The following NRDE2 variants were observed in gnomAD, a reference collection of about 807,000 sequenced individuals.
NRDE2 encodes nuclear exosome regulator NRDE2.
Under a neutral mutation model 124.2 loss-of-function variants are expected in NRDE2, and 76 were observed. The ratio of observed to expected loss-of-function variants is 0.61; its 90% CI spans 0.51 to 0.74. NRDE2 has a LOEUF of 0.74. NRDE2 is among the 30% of genes least tolerant of loss of function. The pLI is 0.00. For synonymous variants in NRDE2, 489 were observed against 528.1 expected, an observed-to-expected ratio of 0.93 and a Z score of 1.01; for missense variants, 1,314 against 1,417.3, an observed-to-expected ratio of 0.93 and a Z score of 1.17.
intron 12 of NRDE2, among the ~76,000 whole-genome samples, chr14:90,283,326 C>T (rs1025890589): frequency 2.6e-5 from 4 of 152,262 alleles, no homozygotes; most frequent in African/African-American, 4.8e-5. Context: ...TGTCTACAAC[C>T]GAACCAAACT....
Position 90,284,197 on chromosome 14 carries a change from G to C in NRDE2, c.3297+2157C>G, listed in dbSNP as rs7147225. ...TCTGGAATCAAAGACAGGCATGAGT[G>C]GGGGCCCAACAGATACGGATACTCG... On this transcript the variant is annotated intron_variant, in intron 12 of 13. Coordinates refer to ENST00000354366, the MANE Select transcript of NRDE2 (RefSeq NM_017970.4). Among the ~76,000 whole-genome samples, 191 of 152,190 alleles carry C rather than the reference G, an allele frequency of 1.3e-3. 2 individuals carry two copies. The highest frequency in any genetic ancestry group is 4.4e-3 in the African/African-American group (184 of 41,520).
chr14:90,273,728 A>C lies in NRDE2; in HGVS notation c.*4608T>G, dbSNP rs1209082813. Reference sequence around the variant, plus strand: ...CTGAGGATTATTGTTGGCAGAATTTAATTTCTTGGAGTTGTGGGCCAGCTG... The same window carrying C: ...CTGAGGATTATTGTTGGCAGAATTTCATTTCTTGGAGTTGTGGGCCAGCTG... On this transcript the variant is annotated 3_prime_UTR_variant, in exon 14 of 14. Coordinates refer to ENST00000354366, the MANE Select transcript of NRDE2 (RefSeq NM_017970.4). 6.5e-6 allele frequency: 1 copy of C among 154,608 alleles called. No individual in the cohort carries two copies. Among genetic ancestry groups the C allele is most frequent in the African/African-American group, 2.4e-5 (1 of 41,502 alleles). The allele number at this position is 154,608 out of a possible 1,614,324, so 9.6% of individuals were successfully genotyped here.
At chr14:90,324,577 G>A (rs1034032892) in intron 1 of NRDE2, among the ~76,000 whole-genome samples, 4 of 151,572 alleles carry the variant, frequency 2.6e-5, no homozygotes, top group African/African-American at 7.3e-5. Context: ...TCGGGAGGCT[G>A]AGGGAGGAGA....
At chr14:90,321,885 G>A (rs1025846682) in intron 1 of NRDE2, among the ~76,000 whole-genome samples, 36 of 152,144 alleles carry the variant, frequency 2.4e-4, no homozygotes, top group African/African-American at 8.7e-4. Context: ...AACAGAAAAG[G>A]CAGGGATGCT....
chr14:90,299,774 T>G (rs1884325764), intron 7 of NRDE2, among the ~76,000 whole-genome samples: 1 of 152,164 alleles, frequency 6.6e-6, no homozygotes, highest in Non-Finnish European at 1.5e-5. Context: ...GTCTGGCTCT[T>G]GTAAGAGTGA....
intron 8 of NRDE2, among the ~76,000 whole-genome samples, chr14:90,294,216 T>C (rs1442502845): frequency 6.6e-6 from 1 of 152,062 alleles, no homozygotes; most frequent in African/African-American, 2.4e-5. Flanking sequence ...AACACAACTG[T>C]TCCCAGGGAT....
chr14:90,281,663 C>T (rs1418344645), intron 12 of NRDE2: 2 of 152,190 alleles, frequency 1.3e-5, no homozygotes, highest in African/African-American at 2.4e-5. Context: ...CTCTAAAAAA[C>T]GAGGAAGCTG....
At position 90,271,054 on chromosome 14, in the gene NRDE2, C is replaced by G. The variant is rs1381288251; in HGVS notation, c.*7282G>C. 1 of 55,928 alleles carries G rather than the reference C, an allele frequency of 1.8e-5. No homozygotes were observed. The allele number at this position is 55,928 out of a possible 1,614,324, so 3.5% of individuals were successfully genotyped here. A position where few individuals can be genotyped will look rare whatever the true frequency, so the allele number is the denominator to read the frequency against. ...TCTTCTTTTTTAAAAATTGAAAGAT[C>G]TTAAAATTTTAAGATAAGAACTTAC... is the stretch of plus-strand genomic sequence containing the variant. On this transcript the variant is annotated 3_prime_UTR_variant, in exon 14 of 14. Coordinates refer to ENST00000354366, the MANE Select transcript of NRDE2 (RefSeq NM_017970.4).
chr14:90,309,069 C>T lies in NRDE2; in HGVS notation c.557+3325G>A, dbSNP rs527560151. On this transcript the variant is annotated intron_variant, in intron 4 of 13. Transcript: ENST00000354366. ...CATCCTGGCTAAAACGGTGAAACTCCATCTCTACTAAAAATACAAAAATAC... is the reference window on the plus strand; with the variant it reads ...CATCCTGGCTAAAACGGTGAAACTCTATCTCTACTAAAAATACAAAAATAC... 3.3e-5 allele frequency among the ~76,000 whole-genome samples: 5 copies of T among 152,076 alleles called. No individual in the cohort carries two copies. In the East Asian group the frequency reaches 9.7e-4, roughly 29 times the overall value.
chr14:90,269,340 C>T lies in NRDE2; in HGVS notation c.*8996G>A, dbSNP rs997247051. 1.4e-6 allele frequency: 2 copies of T among 1,466,466 alleles called. No homozygotes were observed. The highest frequency in any genetic ancestry group is 1.4e-5 in the African/African-American group (1 of 70,680). 90.8% of individuals were successfully genotyped at this position (1,466,466 alleles called of 1,614,324 possible). Reference sequence around the variant, plus strand: ...TCACAATGAGGTCTTTGCTGTAATTCCCCTTGAGCAGGCGATCAGTTGAGT... The same window carrying T: ...TCACAATGAGGTCTTTGCTGTAATTTCCCTTGAGCAGGCGATCAGTTGAGT... On this transcript the variant is annotated 3_prime_UTR_variant, in exon 14 of 14. Coordinates refer to ENST00000354366, the MANE Select transcript of NRDE2 (RefSeq NM_017970.4).
intron 1 of NRDE2, among the ~76,000 whole-genome samples, chr14:90,329,835 CAA>C (rs1173430522): frequency 2.1e-4 from 12 of 56,128 alleles, no homozygotes; most frequent in Non-Finnish European, 2.2e-4. Flanking sequence ...GAGACTGCCT[CAA>C]AAAAAAAAAA....
intron 3 of NRDE2, among the ~76,000 whole-genome samples, chr14:90,312,807 C>T (rs1884894523): frequency 6.6e-6 from 1 of 152,118 alleles, no homozygotes; most frequent in South Asian, 2.1e-4. Flanking sequence ...CAAAAATTAA[C>T]CTGAAGAATA....
chr14:90,278,444 G>A lies in NRDE2; in HGVS notation c.3387C>T (p.Ala1129=), dbSNP rs370954669. 1.9e-5 allele frequency: 31 copies of A among 1,614,022 alleles called. No individual in the cohort carries two copies. Among genetic ancestry groups the A allele is most frequent in the Middle Eastern group, 3.3e-4 (2 of 6,058 alleles). The change falls in exon 14 of 14, where the codon GCC becomes GCT. Residue 1129 remains alanine (A), a synonymous_variant. Coordinates refer to ENST00000354366, the MANE Select transcript of NRDE2 (RefSeq NM_017970.4). ...GCATCTCATCGGGGAAATACTCCAC[G>A]GCGTCCAGGTACAACACCTAGGGGG... is the stretch of plus-strand genomic sequence containing the variant. The part of the protein sequence containing the change: ...CPWAKVLYLD[A]VEYFPDEMQE...
In NRDE2 at chr14:90,274,833, CACACA is replaced by C. The variant is rs781472370; in HGVS notation, c.*3498_*3502del. 10,527 of 91,070 alleles carry C rather than the reference CACACA, an allele frequency of 0.12. 551 individuals are homozygous for C. The highest frequency in any genetic ancestry group is 0.23 in the Middle Eastern group (40 of 174). 5.6% of individuals were successfully genotyped at this position (91,070 alleles called of 1,614,324 possible). ...ACACACACACACACACACACACACA[CACACA>C]CCCCAATACATATGAATTGATCTGA... On this transcript the variant is annotated 3_prime_UTR_variant, in exon 14 of 14. Coordinates refer to ENST00000354366, the MANE Select transcript of NRDE2 (RefSeq NM_017970.4).
chr14:90,306,278 C>T (rs148524315), intron 4 of NRDE2, among the ~76,000 whole-genome samples: 6 of 152,340 alleles, frequency 3.9e-5, no homozygotes, highest in Non-Finnish European at 7.3e-5. Context: ...CTCTCTCCCT[C>T]ACCTCTGTGG....
chr14:90,331,927 C>T lies in NRDE2; in HGVS notation c.-23G>A. ...CATGACCACAGGCCGTACCTCCGTT[C>T]TTCTCTATAGGGATGGCGCCGGCGA... is the stretch of plus-strand genomic sequence containing the variant. On this transcript the variant is annotated 5_prime_UTR_variant, in exon 1 of 14. Transcript: ENST00000354366. 2 of 1,614,000 alleles carry T rather than the reference C, an allele frequency of 1.2e-6. No individual in the cohort carries two copies. The highest frequency in any genetic ancestry group is 1.7e-6 in the Non-Finnish European group (2 of 1,180,010).
At chr14:90,282,261 G>A (rs1012633867) in intron 12 of NRDE2, among the ~76,000 whole-genome samples, 15 of 152,262 alleles carry the variant, frequency 9.9e-5, no homozygotes, top group Non-Finnish European at 1.8e-4. Context: ...TGGACTGCTT[G>A]AGCCCAGGAG....
chr14:90,300,400 CAT>C (rs1228599110), intron 7 of NRDE2, among the ~76,000 whole-genome samples: 1 of 152,190 alleles, frequency 6.6e-6, no homozygotes, highest in African/African-American at 2.4e-5. Context: ...GAAACTCCCA[CAT>C]GACGGAGGCC....
chr14:90,330,456 C>T (rs1255205553), intron 1 of NRDE2, among the ~76,000 whole-genome samples: 1 of 152,130 alleles, frequency 6.6e-6, no homozygotes, highest in Non-Finnish European at 1.5e-5. Context: ...CACTGCCCAA[C>T]CTGATAGAGA....
Sources: gnomAD v4.1 joint callset for allele counts (sites outside exome capture counted in the v4.1 genomes callset) on GRCh38, gnomAD v4.1.1 for gene constraint, MANE v1.5 for transcripts, NCBI Gene and HGNC (gene_info 2026-07-23, HGNC 2026-07-21) for gene names.